CTNND2: variants seen among roughly 807,000 people sequenced by gnomAD.
CTNND2 encodes catenin delta-2.
CTNND2 carries 22 observed loss-of-function variants against 144.4 expected under a neutral mutation model. That is an observed-to-expected ratio of 0.15 (90% CI 0.11 to 0.22). The LOEUF (loss-of-function observed/expected upper bound fraction) is 0.22. Among genes scored for constraint, CTNND2 ranks in the 10% least tolerant of loss-of-function variants. CTNND2 has a pLI of 1.00. For missense variants in CTNND2, 1,353 were observed against 1,618.8 expected, an observed-to-expected ratio of 0.84 and a Z score of 2.82; for synonymous variants, 751 against 695.6, an observed-to-expected ratio of 1.08 and a Z score of -1.25.
chr5:11,194,968 G>C (rs1736706955), intron 11 of CTNND2, among the ~76,000 whole-genome samples: 1 of 152,028 alleles, frequency 6.6e-6, no homozygotes, highest in African/African-American at 2.4e-5. Flanking sequence ...AATTCTTTCA[G>C]AACATATGAT....
At chr5:11,568,494 A>G (rs1561568513) in intron 2 of CTNND2, among the ~76,000 whole-genome samples, 1 of 152,194 alleles carries the variant, frequency 6.6e-6, no homozygotes, top group Non-Finnish European at 1.5e-5. Flanking sequence ...CTGGAATGGT[A>G]TTCTCTTTGG....
rs547714938 is a variant in CTNND2, at chr5:11,851,653, G to C, written c.37+52164C>G. 3.9e-5 allele frequency among the ~76,000 whole-genome samples: 6 copies of C among 152,328 alleles called. 1 individual carries two copies. In the South Asian group the frequency reaches 1.2e-3, roughly 32 times the overall value. The stretch of plus-strand genomic sequence containing the variant: ...TGCTGGATTCCGCCTGTAGTACTGA[G>C]TCACAGGCAATCATGTTTGTATTTT... On this transcript the variant is annotated intron_variant, in intron 1 of 21. Transcript: ENST00000304623.
intron 16 of CTNND2, among the ~76,000 whole-genome samples, chr5:11,051,120 G>T (rs550752735): frequency 2.0e-5 from 3 of 152,308 alleles, no homozygotes; most frequent in Non-Finnish European, 4.4e-5. Flanking sequence ...TTCATTCTTA[G>T]TAAATTGCTA....
intron 1 of CTNND2, among the ~76,000 whole-genome samples, chr5:11,785,376 T>C (rs1166996670): frequency 6.6e-6 from 1 of 152,200 alleles, no homozygotes; most frequent in Non-Finnish European, 1.5e-5. Context: ...GAAGGGTTAA[T>C]TCGGATTTTT....
intron 1 of CTNND2, among the ~76,000 whole-genome samples, chr5:11,817,778 G>A (rs1793072762): frequency 6.6e-6 from 1 of 152,026 alleles, no homozygotes; most frequent in Non-Finnish European, 1.5e-5. Context: ...CTCAATCAGG[G>A]CTCAGAATTT....
At chr5:11,237,038 T>TA (rs1442670615) in intron 9 of CTNND2, among the ~76,000 whole-genome samples, 1 of 151,050 alleles carries the variant, frequency 6.6e-6, no homozygotes, top group Admixed American at 6.6e-5. Context: ...TTTTTTTTTT[T>TA]AGACAGAATC....
chr5:11,690,291 C>G (rs556009183), intron 2 of CTNND2, among the ~76,000 whole-genome samples: 8 of 142,878 alleles, frequency 5.6e-5, no homozygotes, highest in African/African-American at 2.5e-4. Flanking sequence ...AAATGTACAA[C>G]TAAAAAATAA....
intron 16 of CTNND2, among the ~76,000 whole-genome samples, chr5:11,052,058 CAG>C (rs1026400689): frequency 1.1e-4 from 17 of 152,070 alleles, no homozygotes; most frequent in East Asian, 9.6e-4. Flanking sequence ...TCCTTGAGAG[CAG>C]AGAGTCCATC....
At chr5:11,555,969 G>C (rs745459515) in intron 3 of CTNND2, among the ~76,000 whole-genome samples, 2 of 152,118 alleles carry the variant, frequency 1.3e-5, no homozygotes, top group Non-Finnish European at 2.9e-5. Context: ...CTTTGGAAAT[G>C]ACTACTGCAA....
intron 1 of CTNND2, among the ~76,000 whole-genome samples, chr5:11,735,165 T>C (rs576241361): frequency 9.1e-4 from 139 of 152,340 alleles, no homozygotes; most frequent in African/African-American, 3.3e-3. Flanking sequence ...TTGAAGGTGA[T>C]GAATACCAAC....
intron 16 of CTNND2, among the ~76,000 whole-genome samples, chr5:11,031,547 C>T (rs1443222836): frequency 6.6e-6 from 1 of 151,986 alleles, no homozygotes; most frequent in Non-Finnish European, 1.5e-5. Flanking sequence ...TATTAGGTGT[C>T]AGCTTAATTG....
intron 1 of CTNND2, among the ~76,000 whole-genome samples, chr5:11,821,010 C>A (rs891808822): frequency 3.3e-5 from 5 of 152,184 alleles, no homozygotes; most frequent in African/African-American, 9.7e-5. Flanking sequence ...CTGATGATGT[C>A]TTGCACATAT....
At chr5:11,066,282 C>A (rs1747574371) in intron 16 of CTNND2, among the ~76,000 whole-genome samples, 1 of 152,242 alleles carries the variant, frequency 6.6e-6, no homozygotes, top group Admixed American at 6.5e-5. Context: ...TCGTTATCCA[C>A]CCACTTCAGC....
At chr5:11,827,634 A>T (rs1793669887) in intron 1 of CTNND2, among the ~76,000 whole-genome samples, 2 of 152,244 alleles carry the variant, frequency 1.3e-5, no homozygotes. Context: ...CATTAAAAGG[A>T]AAATAAGGAA....
At chr5:11,876,115 C>T (rs947715549) in intron 1 of CTNND2, among the ~76,000 whole-genome samples, 1 of 152,070 alleles carries the variant, frequency 6.6e-6, no homozygotes, top group African/African-American at 2.4e-5. Flanking sequence ...GTGGAAGACA[C>T]GATCATTCCC....
intron 1 of CTNND2, among the ~76,000 whole-genome samples, chr5:11,802,899 T>C (rs1463424552): frequency 1.3e-5 from 2 of 152,326 alleles, no homozygotes; most frequent in Non-Finnish European, 1.5e-5. Flanking sequence ...GCAGCCCAGA[T>C]GTCATAAACA....
At chr5:11,764,914 T>C (rs1236703324) in intron 1 of CTNND2, among the ~76,000 whole-genome samples, 2 of 151,866 alleles carry the variant, frequency 1.3e-5, no homozygotes, top group African/African-American at 2.4e-5. Context: ...AAAAAAAAAG[T>C]GTCCAGATAA....
chr5:11,638,958 T>G (rs1450162628), intron 2 of CTNND2, among the ~76,000 whole-genome samples: 1 of 152,166 alleles, frequency 6.6e-6, no homozygotes, highest in East Asian at 1.9e-4. Flanking sequence ...TTTAAAGAAT[T>G]CCGGTTTTGG....
chr5:11,853,419 C>G (rs1795107383), intron 1 of CTNND2, among the ~76,000 whole-genome samples: 1 of 152,184 alleles, frequency 6.6e-6, no homozygotes, highest in Non-Finnish European at 1.5e-5. Flanking sequence ...CACCAGGGCT[C>G]AGTGGTCTTA....
Sources: gnomAD v4.1 joint callset for allele counts (sites outside exome capture counted in the v4.1 genomes callset) on GRCh38, gnomAD v4.1.1 for gene constraint, MANE v1.5 for transcripts, NCBI Gene and HGNC (gene_info 2026-07-23, HGNC 2026-07-21) for gene names.